ACACB: variants seen among roughly 807,000 people sequenced by gnomAD.
The protein encoded by ACACB is acetyl-CoA carboxylase beta, also known as acetyl-CoA carboxylase 2.
Under a neutral mutation model 278.8 loss-of-function variants are expected in ACACB, and 209 were observed. The observed-to-expected ratio is 0.75, with a 90% confidence interval of 0.67 to 0.84. ACACB has a LOEUF of 0.84. Among genes scored for constraint, ACACB ranks in the 40% least tolerant of loss-of-function variants. The pLI, the probability that ACACB is intolerant of heterozygous loss-of-function variation, is 0.00. For missense variants in ACACB, 2,850 were observed against 3,269.0 expected (o/e 0.87, Z 3.13); for synonymous variants, 1,174 against 1,285.6 (o/e 0.91, Z 1.86).
At chr12:109,260,186 A>AGGGCAGGGAC in intron 47 of ACACB, 1 of 1,428,712 alleles carries the variant, frequency 7.0e-7, no homozygotes, top group Non-Finnish European at 9.4e-7. Flanking sequence ...ATGGTGGGGC[A>AGGGCAGGGAC]GGGCAGGGAC....
chr12:109,262,978 A>ATATATATATATATATG (rs1565985896), intron 49 of ACACB: 1 of 136,576 alleles, frequency 7.3e-6, no homozygotes, highest in African/African-American at 2.7e-5. Context: ...ATATATATAT[A>ATATATATATATATATG]TATATTGCCA....
At position 109,139,814 on chromosome 12, in the gene ACACB, G is replaced by T; in HGVS notation, c.409G>T (p.Ala137Ser). Residue 137 changes from alanine to serine, a missense_variant, in exon 2 of 53, where the codon GCC becomes TCC. This residue lies in a region of ACACB where 2,265 missense variants were observed against 2,561.3 expected (regional missense o/e 0.88). Coordinates refer to ENST00000338432, the MANE Select transcript of ACACB (RefSeq NM_001093.4). ...ATDTNGLSSS[A>S]RPQGQQAGSP... ...AGATACCAATGGCCTGTCCTCCTCAGCCAGGCCCCAGGGCCAGCAAGCTGG... is the reference window on the plus strand; with the variant it reads ...AGATACCAATGGCCTGTCCTCCTCATCCAGGCCCCAGGGCCAGCAAGCTGG... 1 of 1,614,218 alleles carries T rather than the reference G, an allele frequency of 6.2e-7. No individual in the cohort carries two copies. The highest frequency in any genetic ancestry group is 1.1e-5 in the South Asian group (1 of 91,082).
intron 2 of ACACB, among the ~76,000 whole-genome samples, chr12:109,152,648 T>C (rs906127230): frequency 8.0e-6 from 1 of 125,380 alleles, no homozygotes; most frequent in African/African-American, 4.2e-5. Flanking sequence ...TTCTTTTTTT[T>C]TTTTTTTTTT....
chr12:109,238,020 A>G (rs1016143401), intron 34 of ACACB, among the ~76,000 whole-genome samples: 111 of 151,654 alleles, frequency 7.3e-4, no homozygotes, highest in Non-Finnish European at 1.4e-3. Context: ...ACAAAAAAAA[A>G]AAAAAAAGAA....
chr12:109,201,528 C>T (rs1335465906), intron 18 of ACACB, 39 bp from the exon 19 acceptor site: 3 of 1,606,592 alleles, frequency 1.9e-6, no homozygotes, highest in Admixed American at 1.7e-5. Flanking sequence ...GGTGTCAATC[C>T]CGGTGGGCTC....
chr12:109,240,323 T>C (rs1023232274), intron 35 of ACACB, among the ~76,000 whole-genome samples: 9 of 152,052 alleles, frequency 5.9e-5, no homozygotes, highest in African/African-American at 2.2e-4. Flanking sequence ...TGTGGCTGAA[T>C]GTTCCCTGTC....
In ACACB at chr12:109,239,788, G is replaced by T. The variant is rs200947776; in HGVS notation, c.4663-42G>T. On this transcript the variant is annotated intron_variant, in intron 34 of 52. Transcript: ENST00000338432. ...TTTCCAGCCAGCTGGGAGTAGGCCT[G>T]CACCCCTGGCCTGAGCAGCTGCCCC... 40 of 1,558,262 alleles carry T rather than the reference G, an allele frequency of 2.6e-5. No individual in the cohort carries two copies. In the Admixed American group the frequency reaches 6.0e-4, roughly 23 times the overall value.
Position 109,265,281 on chromosome 12 carries a change from G to A in ACACB, c.7113+1G>A. Reference sequence around the variant, plus strand: ...CGTGGAGACGGAGGGGGCTGTCAAGGTGGGCCTGGGGTGAGAACGAGGCCG... The same window carrying A: ...CGTGGAGACGGAGGGGGCTGTCAAGATGGGCCTGGGGTGAGAACGAGGCCG... On this transcript the variant is annotated splice_donor_variant, in intron 51 of 52. Coordinates refer to ENST00000338432, the MANE Select transcript of ACACB (RefSeq NM_001093.4). LOFTEE classifies it high-confidence loss of function. The A allele has an allele frequency of 1.2e-6, 2 of 1,612,706 alleles. No homozygotes were observed. Among genetic ancestry groups the A allele is most frequent in the Non-Finnish European group, 8.5e-7 (1 of 1,179,866 alleles).
intron 11 of ACACB, among the ~76,000 whole-genome samples, chr12:109,180,881 G>A (rs188013511): frequency 6.6e-6 from 1 of 152,066 alleles, no homozygotes; most frequent in South Asian, 2.1e-4. Flanking sequence ...GTTGACTGTA[G>A]TCACCCTGTT....
chr12:109,111,511 G>A, the ACACB span: 1 of 152,056 alleles, frequency 6.6e-6, no homozygotes, highest in African/African-American at 2.4e-5. Context: ...GGATCCCCCA[G>A]TGTCCGAAGA....
chr12:109,265,604 A>G (rs1593749566), intron 52 of ACACB, 79 bp downstream of exon 52: 1 of 1,535,520 alleles, frequency 6.5e-7, no homozygotes, highest in Non-Finnish European at 8.8e-7. Context: ...CCCGACTCCT[A>G]TGCAGCCACT....
chr12:109,265,242 C>T lies in ACACB; in HGVS notation c.7075C>T (p.Leu2359=), dbSNP rs1186934239. The T allele has an allele frequency of 6.2e-7, 1 of 1,613,448 alleles. No individual in the cohort carries two copies. Residue 2359 remains leucine (L), a synonymous_variant, in exon 51 of 53, where the codon CTG becomes TTG. Coordinates refer to ENST00000338432, the MANE Select transcript of ACACB (RefSeq NM_001093.4). ...GAGTCACGTGCATATCCAGTCCATG[C>T]TGCGTCGCTGGTTCGTGGAGACGGA... is the stretch of plus-strand genomic sequence containing the variant. The part of the protein sequence containing the change: ...ELSHVHIQSM[L]RRWFVETEGA...
intron 4 of ACACB, 103 bp downstream of exon 4, chr12:109,168,137 A>G (rs1158148367): frequency 2.3e-6 from 3 of 1,278,304 alleles, no homozygotes; most frequent in Non-Finnish European, 3.2e-6. Flanking sequence ...CCCGATGGTC[A>G]GGACCTCTCA....
chr12:109,190,250 G>A (rs975453843), intron 13 of ACACB, among the ~76,000 whole-genome samples: 55 of 152,184 alleles, frequency 3.6e-4, no homozygotes, highest in African/African-American at 1.0e-3. Flanking sequence ...CACCACGCCC[G>A]GCTAGTTTTG....
intron 28 of ACACB, among the ~76,000 whole-genome samples, chr12:109,230,718 C>T (rs1431105963): frequency 2.6e-5 from 4 of 152,236 alleles, no homozygotes; most frequent in African/African-American, 9.6e-5. Flanking sequence ...GCGCGAGCCC[C>T]TGTGCCTGGC....
At chr12:109,137,000 G>C (rs1394536193) in intron 1 of ACACB, among the ~76,000 whole-genome samples, 9 of 152,132 alleles carry the variant, frequency 5.9e-5, no homozygotes, top group Admixed American at 5.9e-4. Flanking sequence ...ACTTTATTAA[G>C]TTGCAGTTCC....
intron 48 of ACACB, among the ~76,000 whole-genome samples, chr12:109,261,950 C>T (rs1004603556): frequency 1.2e-4 from 18 of 151,176 alleles, no homozygotes; most frequent in Non-Finnish European, 8.8e-5. Context: ...CAAGACTACA[C>T]TGGGCTCTCA....
intron 1 of ACACB, among the ~76,000 whole-genome samples, chr12:109,139,067 A>T (rs189041144): frequency 2.4e-4 from 36 of 152,206 alleles, no homozygotes; most frequent in African/African-American, 6.5e-4. Flanking sequence ...GGCAACCACT[A>T]ATCTGTTTTC....
intron 42 of ACACB, 74 bp downstream of exon 42, chr12:109,252,230 G>A: frequency 2.9e-6 from 3 of 1,042,062 alleles, no homozygotes; most frequent in Non-Finnish European, 4.1e-6. Flanking sequence ...ATTGGTCTCT[G>A]GTGGGGGATT....
Sources: gnomAD v4.1 joint callset for allele counts (sites outside exome capture counted in the v4.1 genomes callset) on GRCh38, gnomAD v4.1.1 for gene constraint, gnomAD v4.1.1 regional missense constraint, MANE v1.5 for transcripts, NCBI Gene and HGNC (gene_info 2026-07-23, HGNC 2026-07-21) for gene names.